TTC6: variants seen among roughly 807,000 people sequenced by gnomAD.
TTC6 encodes tetratricopeptide repeat protein 6.
TTC6 carries 172 observed loss-of-function variants against 210.4 expected under a neutral mutation model. That is an observed-to-expected ratio of 0.82 (90% confidence interval 0.72 to 0.93). The LOEUF (loss-of-function observed/expected upper bound fraction) is 0.93. TTC6 is among the 40% of genes least tolerant of loss of function. The probability of loss-of-function intolerance (pLI) is 0.00; values close to 1 mark genes in which losing one functional copy is unlikely to be tolerated. For synonymous variants in TTC6, 804 were observed against 819.6 expected, an observed-to-expected ratio of 0.98 and a Z score of 0.32; for missense variants, 2,414 against 2,318.1, an observed-to-expected ratio of 1.04 and a Z score of -0.85.
chr14:37,777,477 C>T (rs1241194228), intron 14 of TTC6, among the ~76,000 whole-genome samples: 1 of 152,030 alleles, frequency 6.6e-6, no homozygotes, highest in Non-Finnish European at 1.5e-5. Flanking sequence ...ATTAAAATGA[C>T]CATTTCATCT....
chr14:37,781,056 C>A (rs1184187065), intron 14 of TTC6, among the ~76,000 whole-genome samples: 2 of 152,148 alleles, frequency 1.3e-5, no homozygotes, highest in African/African-American at 4.8e-5. Context: ...AGTTCCAAGT[C>A]TTTGCTATTT....
At chr14:37,812,485 A>C in intron 25 of TTC6, 52 bp downstream of exon 27, 1 of 1,483,072 alleles carries the variant, frequency 6.7e-7, no homozygotes, top group Non-Finnish European at 9.0e-7. Flanking sequence ...GACTTCTGAG[A>C]ACTAGTGAAC....
intron 1 of TTC6, among the ~76,000 whole-genome samples, chr14:37,629,723 G>A (rs981497360): frequency 8.5e-5 from 13 of 152,254 alleles, no homozygotes; most frequent in African/African-American, 2.4e-4. Context: ...TGCCCATTCC[G>A]TATGATATTG....
exon 1 of TTC6, chr14:37,622,910 C>G (rs955137931): frequency 6.5e-7 from 1 of 1,534,758 alleles, no homozygotes; most frequent in African/African-American, 1.4e-5. Flanking sequence ...AGATCATCGC[C>G]TCTCTGCAGT....
intron 1 of TTC6, among the ~76,000 whole-genome samples, chr14:37,633,066 G>C (rs2139350392): frequency 6.6e-6 from 1 of 152,268 alleles, no homozygotes; most frequent in South Asian, 2.1e-4. Context: ...GGCTCCGTGG[G>C]GGTGAGATCC....
Position 37,673,458 on chromosome 14 carries a change from A to G in TTC6, c.940-6693A>G, listed in dbSNP as rs184056368. On this transcript the variant is annotated intron_variant, in intron 1 of 30. Transcript: ENST00000553443. ...AGTGCTGATGAAATCATAAAAGGGT[A>G]TATTTTAGAAACACTCTTTTGGCCT... 2.6e-3 allele frequency among the ~76,000 whole-genome samples: 397 copies of G among 152,276 alleles called. 3 individuals carry two copies. Among genetic ancestry groups the G allele is most frequent in the African/African-American group, 8.9e-3 (369 of 41,566 alleles).
chr14:37,657,434 G>C (rs2095726785), intron 1 of TTC6, among the ~76,000 whole-genome samples: 1 of 151,732 alleles, frequency 6.6e-6, no homozygotes, highest in African/African-American at 2.4e-5. Flanking sequence ...AACTACCCAG[G>C]AGAGTGTTTG....
At chr14:37,743,979 T>G (rs1301701863) in intron 10 of TTC6, among the ~76,000 whole-genome samples, 1 of 152,230 alleles carries the variant, frequency 6.6e-6, no homozygotes, top group African/African-American at 2.4e-5. Flanking sequence ...GAAAGCATCT[T>G]CCTTCCCTGG....
At chr14:37,615,517 T>G (rs1053889932) in intron 2 of TTC6, among the ~76,000 whole-genome samples, 2 of 152,122 alleles carry the variant, frequency 1.3e-5, no homozygotes, top group Non-Finnish European at 2.9e-5. Context: ...TGCATTTATC[T>G]TTAAACTCAG....
intron 1 of TTC6, among the ~76,000 whole-genome samples, chr14:37,631,971 T>C (rs760951468): frequency 6.6e-6 from 1 of 152,186 alleles, no homozygotes; most frequent in Non-Finnish European, 1.5e-5. Flanking sequence ...CATCAGGTCA[T>C]TTATGTTCTT....
At chr14:37,731,701 T>C (rs1028847126) in intron 7 of TTC6, among the ~76,000 whole-genome samples, 2 of 152,226 alleles carry the variant, frequency 1.3e-5, no homozygotes, top group Admixed American at 1.3e-4. Context: ...CACTTTTACC[T>C]TAGAGTCTAT....
At chr14:37,806,468 G>T in exon 22 of TTC6, 1 of 1,534,812 alleles carries the variant, frequency 6.5e-7, no homozygotes, top group Non-Finnish European at 8.7e-7. Flanking sequence ...GCTCGATTCT[G>T]GATTTTAATC....
At chr14:37,619,911 G>C (rs193162282), upstream of TTC6, among the ~76,000 whole-genome samples, 245 of 151,506 alleles carry the variant, frequency 1.6e-3, 3 homozygotes, top group African/African-American at 5.6e-3. Context: ...CCAGTATTTT[G>C]GGAAGACCTG....
intron 1 of TTC6, among the ~76,000 whole-genome samples, chr14:37,597,037 G>A (rs2095606042): frequency 6.6e-6 from 1 of 151,098 alleles, no homozygotes; most frequent in African/African-American, 2.4e-5. Flanking sequence ...AAAAGGGTGG[G>A]GGGGTAGAAA....
chr14:37,734,489 G>A (rs1248112889), intron 7 of TTC6, among the ~76,000 whole-genome samples: 1 of 152,058 alleles, frequency 6.6e-6, no homozygotes, highest in East Asian at 1.9e-4. Flanking sequence ...TCAGATTTTG[G>A]CTCGTCTTTT....
intron 14 of TTC6, 125 bp from the exon 17 acceptor site, chr14:37,787,343 C>G (rs779246983): frequency 2.8e-5 from 20 of 718,770 alleles, no homozygotes; most frequent in Middle Eastern, 4.2e-4. Flanking sequence ...TGACTAAACT[C>G]TCTTGTGAAG....
At chr14:37,610,844 G>T (rs1207894175) in intron 2 of TTC6, among the ~76,000 whole-genome samples, 1 of 152,140 alleles carries the variant, frequency 6.6e-6, no homozygotes, top group South Asian at 2.1e-4. Flanking sequence ...TGTACCCCTC[G>T]GTGTCTGGCT....
intron 1 of TTC6, among the ~76,000 whole-genome samples, chr14:37,635,060 A>G (rs548234783): frequency 1.3e-5 from 2 of 152,358 alleles, no homozygotes; most frequent in Admixed American, 1.3e-4. Flanking sequence ...GGCTACATAC[A>G]ATAGATTTTC....
chr14:37,698,859 C>G (rs149278477), intron 4 of TTC6, among the ~76,000 whole-genome samples: 1 of 152,184 alleles, frequency 6.6e-6, no homozygotes, highest in Admixed American at 6.5e-5. Context: ...TTTATCAGTT[C>G]TTATAAAGGC....
Sources: allele counts gnomAD v4.1 joint callset (sites outside exome capture counted in the v4.1 genomes callset), GRCh38; gene constraint gnomAD v4.1.1; transcripts MANE v1.5; gene names NCBI Gene and HGNC (gene_info 2026-07-23, HGNC 2026-07-21).